SHOC2: variants seen among roughly 807,000 people sequenced by gnomAD.
SHOC2 encodes SHOC2 leucine rich repeat scaffold protein, also known as leucine-rich repeat protein SHOC-2.
SHOC2 carries 4 observed loss-of-function variants against 50.2 expected under a neutral mutation model. The observed-to-expected ratio is 0.08, with a 90% CI of 0.04 to 0.18. SHOC2 has a LOEUF of 0.18. Among genes scored for constraint, SHOC2 ranks in the 10% least tolerant of loss-of-function variants. The pLI, the probability that SHOC2 is intolerant of heterozygous loss-of-function variation, is 1.00. For missense variants in SHOC2, 388 were observed against 669.6 expected (o/e 0.58, Z 4.64); for synonymous variants, 218 against 244.5 (o/e 0.89, Z 1.01).
At chr10:111,007,457 T>C in intron 5 of SHOC2, 74 bp from the exon 6 acceptor site, 2 of 1,502,902 alleles carry the variant, frequency 1.3e-6, no homozygotes, top group Middle Eastern at 1.7e-4. Context: ...AGAATTCTCT[T>C]TCCGAAGTGA....
intron 1 of SHOC2, among the ~76,000 whole-genome samples, chr10:110,949,875 T>G (rs897052305): frequency 2.0e-5 from 3 of 152,150 alleles, no homozygotes; most frequent in African/African-American, 7.2e-5. Flanking sequence ...TTGACAAGAT[T>G]ATCACTTTGT....
At chr10:110,955,630 T>C (rs189215907) in intron 1 of SHOC2, among the ~76,000 whole-genome samples, 1 of 152,314 alleles carries the variant, frequency 6.6e-6, no homozygotes, top group East Asian at 1.9e-4. Context: ...TGTTAACCTG[T>C]AGTGTGAAAG....
intron 3 of SHOC2, chr10:110,988,991 A>G (rs769297931): frequency 9.7e-6 from 5 of 516,954 alleles, no homozygotes; most frequent in Non-Finnish European, 1.2e-5. Context: ...AACTGAGACT[A>G]CTTTTGCACC....
At chr10:110,944,241 A>T (rs1411293891) in intron 1 of SHOC2, among the ~76,000 whole-genome samples, 1 of 151,586 alleles carries the variant, frequency 6.6e-6, no homozygotes, top group East Asian at 1.9e-4. Context: ...TTTATTTTGA[A>T]GTTGGTACTT....
At chr10:110,997,143 T>G (rs959480215) in intron 3 of SHOC2, among the ~76,000 whole-genome samples, 4 of 152,330 alleles carry the variant, frequency 2.6e-5, no homozygotes, top group African/African-American at 7.2e-5. Context: ...GAAGCCAGAA[T>G]TAAGTGAAAT....
intron 3 of SHOC2, among the ~76,000 whole-genome samples, chr10:110,990,971 C>G (rs1035494914): frequency 6.6e-6 from 1 of 152,090 alleles, no homozygotes; most frequent in Non-Finnish European, 1.5e-5. Flanking sequence ...GCCTTGAGAT[C>G]TTTGTGCTTC....
At chr10:110,990,535 G>T (rs1392649430) in intron 3 of SHOC2, among the ~76,000 whole-genome samples, 2 of 148,366 alleles carry the variant, frequency 1.3e-5, no homozygotes, top group Non-Finnish European at 3.0e-5. Context: ...GGGACGTGGA[G>T]AACCTTTGTA....
chr10:110,931,038 C>G (rs1264540456), intron 1 of SHOC2, among the ~76,000 whole-genome samples: 3 of 151,986 alleles, frequency 2.0e-5, no homozygotes, highest in African/African-American at 7.3e-5. Flanking sequence ...GTAAATTACA[C>G]GTAAAGTCTT....
At chr10:110,921,834 G>A (rs1846658475) in intron 1 of SHOC2, among the ~76,000 whole-genome samples, 1 of 151,976 alleles carries the variant, frequency 6.6e-6, no homozygotes, top group Non-Finnish European at 1.5e-5. Context: ...TGAGGAAACA[G>A]CTACATTAAA....
rs181594828 is a variant in SHOC2, at chr10:110,980,281, C to T, written c.704-5347C>T. ...ATGCCATTCTCCTGCCTCAGCCTCC[C>T]GAGTAGCTGGGACTACAGGCGCCCA... is the stretch of plus-strand genomic sequence containing the variant. On this transcript the variant is annotated intron_variant, in intron 2 of 8. Coordinates refer to ENST00000369452, the MANE Select transcript of SHOC2 (RefSeq NM_007373.4). Among the ~76,000 whole-genome samples, 127 of 152,004 alleles carry T rather than the reference C, an allele frequency of 8.4e-4. 3 individuals carry two copies. In the East Asian group the frequency reaches 0.019, roughly 23 times the overall value.
chr10:110,941,703 G>A (rs1847148530), intron 1 of SHOC2, among the ~76,000 whole-genome samples: 1 of 152,108 alleles, frequency 6.6e-6, no homozygotes, highest in South Asian at 2.1e-4. Flanking sequence ...TTTTCTACCA[G>A]TCTATATAAC....
intron 1 of SHOC2, among the ~76,000 whole-genome samples, chr10:110,931,297 A>G (rs754302404): frequency 1.3e-5 from 2 of 152,008 alleles, no homozygotes; most frequent in Non-Finnish European, 2.9e-5. Context: ...TCTATCCCCT[A>G]CCTCAGGTTC....
chr10:110,942,020 G>A (rs981860114), intron 1 of SHOC2, among the ~76,000 whole-genome samples: 5 of 152,094 alleles, frequency 3.3e-5, no homozygotes, highest in African/African-American at 1.2e-4. Context: ...CAGTTGTTCA[G>A]CACCATCCAA....
chr10:110,994,438 A>G lies in SHOC2; in HGVS notation c.842-5977A>G, dbSNP rs143669698. Among the ~76,000 whole-genome samples the G allele has an allele frequency of 2.2e-4, 33 of 152,346 alleles. 1 individual carries two copies. The highest frequency in any genetic ancestry group is 6.8e-3 in the Middle Eastern group (2 of 294). ...TCATCTGACACATAAATATTTTCACATGTGCACAAAGATACATGTCTAGGG... is the reference window on the plus strand; with the variant it reads ...TCATCTGACACATAAATATTTTCACGTGTGCACAAAGATACATGTCTAGGG... On this transcript the variant is annotated intron_variant, in intron 3 of 8. Transcript: ENST00000369452.
chr10:110,956,449 A>G (rs1301488658), intron 1 of SHOC2, among the ~76,000 whole-genome samples: 4 of 152,112 alleles, frequency 2.6e-5, no homozygotes, highest in South Asian at 2.1e-4. Context: ...ACTCCTGACT[A>G]CATTTCATAC....
chr10:110,989,955 T>C (rs1301641081), intron 3 of SHOC2, among the ~76,000 whole-genome samples: 1 of 152,218 alleles, frequency 6.6e-6, no homozygotes, highest in Non-Finnish European at 1.5e-5. Context: ...CATTAAAATA[T>C]GTATCTGTAA....
intron 2 of SHOC2, among the ~76,000 whole-genome samples, chr10:110,984,654 A>G (rs552874137): frequency 9.4e-4 from 143 of 152,286 alleles, no homozygotes; most frequent in African/African-American, 3.3e-3. Context: ...TCTTGACAAG[A>G]CCAATTAAAA....
intron 3 of SHOC2, among the ~76,000 whole-genome samples, chr10:110,986,637 C>A (rs1848083383): frequency 1.3e-5 from 2 of 151,986 alleles, no homozygotes; most frequent in Admixed American, 1.3e-4. Context: ...CCACGCCTGG[C>A]TAATTTTTTT....
intron 2 of SHOC2, among the ~76,000 whole-genome samples, chr10:110,978,915 G>T (rs566097339): frequency 6.6e-6 from 1 of 152,274 alleles, no homozygotes; most frequent in Non-Finnish European, 1.5e-5. Context: ...TTATAAAAAG[G>T]CATTTATGAA....
Sources: gnomAD v4.1 joint callset for allele counts (sites outside exome capture counted in the v4.1 genomes callset) on GRCh38, gnomAD v4.1.1 for gene constraint, MANE v1.5 for transcripts, NCBI Gene and HGNC (gene_info 2026-07-23, HGNC 2026-07-21) for gene names.